The following RBMS3 variants were observed in gnomAD, a reference collection of about 807,000 sequenced individuals.
RBMS3 encodes the protein RNA binding motif single stranded interacting protein 3.
A neutral mutation model predicts 66.8 loss-of-function variants in RBMS3; 27 were observed. The ratio of observed to expected loss-of-function variants is 0.40; its 90% CI spans 0.30 to 0.56. The LOEUF (loss-of-function observed/expected upper bound fraction) is 0.56, where lower values mean the gene tolerates loss of function less well. Among genes scored for constraint, RBMS3 ranks in the 20% least tolerant of loss-of-function variants. RBMS3 has a pLI of 0.40. For synonymous variants in RBMS3, 188 were observed against 183.0 expected (o/e 1.03, Z -0.22); for missense variants, 513 against 549.5 (o/e 0.93, Z 0.66).
chr3:29,888,881 C>T (rs1271760377), intron 8 of RBMS3, among the ~76,000 whole-genome samples: 3 of 151,634 alleles, frequency 2.0e-5, no homozygotes, highest in Admixed American at 6.6e-5. Context: ...CTAGCCCTTC[C>T]TCCGTGCCAC....
intron 14 of RBMS3, among the ~76,000 whole-genome samples, chr3:29,999,923 A>C (rs1465288264): frequency 6.6e-6 from 1 of 151,830 alleles, no homozygotes; most frequent in Non-Finnish European, 1.5e-5. Flanking sequence ...ATAAAATAAT[A>C]ATTTAAAAAA....
intron 2 of RBMS3, among the ~76,000 whole-genome samples, chr3:29,482,534 A>G (rs2125821218): frequency 6.6e-6 from 1 of 152,222 alleles, no homozygotes; most frequent in African/African-American, 2.4e-5. Flanking sequence ...AGATTTACAT[A>G]GGCATTGCCA....
intron 4 of RBMS3, among the ~76,000 whole-genome samples, chr3:29,710,161 C>T (rs2053102896): frequency 6.6e-6 from 1 of 152,144 alleles, no homozygotes; most frequent in Admixed American, 6.5e-5. Flanking sequence ...GTTCACCTCT[C>T]TATTATTGGA....
intron 13 of RBMS3, among the ~76,000 whole-genome samples, chr3:29,989,407 G>A (rs1698673021): frequency 6.6e-6 from 1 of 152,096 alleles, no homozygotes; most frequent in South Asian, 2.1e-4. Flanking sequence ...ATGCACAGGT[G>A]CATTATGGTC....
At chr3:29,403,757 A>T (rs2039905021) in intron 1 of RBMS3, among the ~76,000 whole-genome samples, 1 of 152,034 alleles carries the variant, frequency 6.6e-6, no homozygotes, top group Non-Finnish European at 1.5e-5. Flanking sequence ...GAGATTAAAG[A>T]TTTCTATTAA....
intron 4 of RBMS3, among the ~76,000 whole-genome samples, chr3:29,724,070 G>A (rs531797555): frequency 2.4e-4 from 36 of 150,788 alleles, no homozygotes; most frequent in South Asian, 4.2e-4. Context: ...AATCTTTGTC[G>A]CTCACAAATG....
At chr3:29,808,655 T>A (rs572816533) in intron 6 of RBMS3, among the ~76,000 whole-genome samples, 3 of 152,096 alleles carry the variant, frequency 2.0e-5, no homozygotes, top group East Asian at 3.9e-4. Context: ...GCTAAATAAT[T>A]TAACGTCTGG....
intron 8 of RBMS3, among the ~76,000 whole-genome samples, chr3:29,895,802 C>G (rs2060112544): frequency 6.6e-6 from 1 of 151,318 alleles, no homozygotes; most frequent in African/African-American, 2.4e-5. Flanking sequence ...AAAGAAACTG[C>G]AAAGCTGTTT....
At chr3:29,571,465 G>A (rs2046951736) in intron 3 of RBMS3, among the ~76,000 whole-genome samples, 1 of 152,140 alleles carries the variant, frequency 6.6e-6, no homozygotes, top group South Asian at 2.1e-4. Flanking sequence ...GTGAGAGACA[G>A]GGGTCAAGTC....
intron 10 of RBMS3, among the ~76,000 whole-genome samples, chr3:29,932,746 C>A (rs2061162139): frequency 6.6e-6 from 1 of 152,152 alleles, no homozygotes; most frequent in Admixed American, 6.5e-5. Context: ...CTTCAAATTT[C>A]TTTCAAACAT....
In RBMS3 at chr3:29,879,103, ATT is replaced by A. The variant is rs1050374252; in HGVS notation, c.745-5058_745-5057del. Among the ~76,000 whole-genome samples, 423 of 152,226 alleles carry A rather than the reference ATT, an allele frequency of 2.8e-3. 6 individuals are homozygous for A. The highest frequency in any genetic ancestry group is 9.4e-3 in the African/African-American group (392 of 41,544). ...TGCATGAAAGGCAAAAAAAAAAGTT[ATT>A]GTTATACTACGCCAGTATTTTAACA... On this transcript the variant is annotated intron_variant, in intron 7 of 14. Transcript: ENST00000383767.
At chr3:29,303,900 T>C (rs540449284) in intron 1 of RBMS3, among the ~76,000 whole-genome samples, 1 of 152,060 alleles carries the variant, frequency 6.6e-6, no homozygotes, top group South Asian at 2.1e-4. Flanking sequence ...ACTTCTTACA[T>C]GGCGGTGGCA....
chr3:29,739,422 C>G (rs921660121), intron 4 of RBMS3, among the ~76,000 whole-genome samples: 59 of 147,140 alleles, frequency 4.0e-4, no homozygotes, highest in Non-Finnish European at 6.7e-4. Flanking sequence ...CGCCACTGCA[C>G]TCCAGCCTGG....
intron 6 of RBMS3, among the ~76,000 whole-genome samples, chr3:29,834,540 C>T (rs914764715): frequency 2.0e-5 from 3 of 151,590 alleles, no homozygotes; most frequent in Non-Finnish European, 2.9e-5. Context: ...TTTGTGTGTG[C>T]GATTAAAGTA....
At chr3:29,910,942 G>T (rs2060499138) in intron 10 of RBMS3, among the ~76,000 whole-genome samples, 1 of 151,916 alleles carries the variant, frequency 6.6e-6, no homozygotes, top group African/African-American at 2.4e-5. Context: ...CCAAAGATAG[G>T]AATTAAACGT....
At chr3:29,865,994 A>T (rs1005165268) in intron 6 of RBMS3, among the ~76,000 whole-genome samples, 7 of 150,044 alleles carry the variant, frequency 4.7e-5, no homozygotes, top group African/African-American at 1.5e-4. Flanking sequence ...GTTGCCTCAT[A>T]GAGTTGTAGT....
intron 6 of RBMS3, among the ~76,000 whole-genome samples, chr3:29,837,901 A>G (rs1054780982): frequency 1.3e-5 from 2 of 151,220 alleles, no homozygotes; most frequent in Non-Finnish European, 2.9e-5. Context: ...ACTGCATTCC[A>G]CATGTTTCCT....
intron 1 of RBMS3, among the ~76,000 whole-genome samples, chr3:29,311,747 G>A (rs1048730286): frequency 7.9e-5 from 12 of 151,768 alleles, no homozygotes; most frequent in African/African-American, 2.7e-4. Context: ...AACTTGAATA[G>A]CGGAAGAGAA....
At chr3:29,462,777 A>G (rs990752884) in intron 2 of RBMS3, among the ~76,000 whole-genome samples, 7 of 152,234 alleles carry the variant, frequency 4.6e-5, no homozygotes, top group African/African-American at 1.4e-4. Context: ...GAGTTTGTAA[A>G]TTAGAGCTCT....
Sources: allele counts gnomAD v4.1 joint callset (sites outside exome capture counted in the v4.1 genomes callset), GRCh38; gene constraint gnomAD v4.1.1; transcripts MANE v1.5; gene names NCBI Gene and HGNC (gene_info 2026-07-23, HGNC 2026-07-21).